Variants in CC2D2A observed in about 807,000 individuals in gnomAD.
CC2D2A encodes the protein coiled-coil and C2 domain-containing protein 2A.
In CC2D2A, 155 loss-of-function variants were observed where a neutral mutation model predicts 212.9. That is an observed-to-expected ratio of 0.73 (90% CI 0.64 to 0.83). The LOEUF is 0.83. CC2D2A is among the 40% of genes least tolerant of loss of function. The pLI, the probability that CC2D2A is intolerant of heterozygous loss-of-function variation, is 0.00. For synonymous variants in CC2D2A, 667 were observed against 686.5 expected (o/e 0.97, Z 0.44); for missense variants, 1,856 against 1,956.2 (o/e 0.95, Z 0.97).
chr4:15,545,473 A>T (rs373084202), intron 17 of CC2D2A, among the ~76,000 whole-genome samples: 3 of 152,224 alleles, frequency 2.0e-5, no homozygotes, highest in African/African-American at 7.2e-5. Flanking sequence ...TCCAGCTAGG[A>T]TATAAGGGAG....
chr4:15,494,313 C>T (rs549868585), intron 4 of CC2D2A, among the ~76,000 whole-genome samples: 23 of 152,264 alleles, frequency 1.5e-4, no homozygotes, highest in African/African-American at 4.6e-4. Context: ...GAGAAAGAGA[C>T]GCATGTGCCA....
intron 4 of CC2D2A, among the ~76,000 whole-genome samples, chr4:15,498,590 C>A (rs767641978): frequency 1.3e-5 from 2 of 151,984 alleles, no homozygotes; most frequent in Non-Finnish European, 2.9e-5. Context: ...GAGCAACTGA[C>A]AATAAATTAG....
intron 29 of CC2D2A, 150 bp downstream of exon 29, chr4:15,574,476 G>A (rs1720309221): frequency 6.5e-6 from 4 of 616,962 alleles, no homozygotes; most frequent in South Asian, 3.3e-5. Context: ...AGATAGAATG[G>A]TGGTGAGAAA....
At chr4:15,502,117 T>C (rs886225854) in intron 4 of CC2D2A, among the ~76,000 whole-genome samples, 4 of 152,186 alleles carry the variant, frequency 2.6e-5, no homozygotes, top group Admixed American at 6.5e-5. Context: ...TTCATGTGCC[T>C]TGAACAATCA....
intron 23 of CC2D2A, among the ~76,000 whole-genome samples, chr4:15,562,288 A>G (rs540443469): frequency 6.6e-6 from 1 of 152,364 alleles, no homozygotes; most frequent in Non-Finnish European, 1.5e-5. Flanking sequence ...TGTGCATTAT[A>G]GCCTGTGGCC....
chr4:15,483,002 G>A (rs982602747), intron 4 of CC2D2A, among the ~76,000 whole-genome samples: 4 of 152,194 alleles, frequency 2.6e-5, no homozygotes, highest in African/African-American at 9.7e-5. Context: ...GAAGCCCTGG[G>A]TGGAGCTGGA....
At chr4:15,557,263 C>A in intron 20 of CC2D2A, 41 bp from the exon 21 acceptor site, 1 of 1,442,250 alleles carries the variant, frequency 6.9e-7, no homozygotes, top group Non-Finnish European at 9.6e-7. Flanking sequence ...TGGATGAGAT[C>A]TGACTGTCAT....
At chr4:15,589,710 T>C in intron 33 of CC2D2A, 31 bp downstream of exon 33, 2 of 1,409,164 alleles carry the variant, frequency 1.4e-6, no homozygotes, top group Non-Finnish European at 1.9e-6. Context: ...TTAAATATGG[T>C]TAGCTGTCGT....
At chr4:15,567,636 G>T in intron 25 of CC2D2A, 41 bp from the exon 26 acceptor site, 1 of 1,450,050 alleles carries the variant, frequency 6.9e-7, no homozygotes, top group Non-Finnish European at 9.4e-7. Flanking sequence ...AAAATAATTT[G>T]ACTAACCATT....
chr4:15,533,297 GA>G lies in CC2D2A; in HGVS notation c.1572del (p.Arg524SerfsTer7), dbSNP rs1320027321. Reference sequence around the variant, plus strand: ...ATGAAATCCCTTCGAGAGTTCCAGAGATTTACAAATACTCCCTTGAAACTTG... The same window carrying G: ...ATGAAATCCCTTCGAGAGTTCCAGAGTTTACAAATACTCCCTTGAAACTTG... ...KEMKSLREFQ[R>X]FTNTPLKLVL... On this transcript the variant is annotated frameshift_variant, in exon 14 of 37. Transcript: ENST00000424120. LOFTEE classifies it high-confidence loss of function. 2 of 1,589,382 alleles carry G rather than the reference GA, an allele frequency of 1.3e-6. No homozygotes were observed. The highest frequency in any genetic ancestry group is 1.7e-6 in the Non-Finnish European group (2 of 1,168,630).
intron 34 of CC2D2A, 79 bp downstream of exon 34, chr4:15,596,286 C>T (rs1384571556): frequency 7.6e-7 from 1 of 1,316,358 alleles, no homozygotes; most frequent in Non-Finnish European, 1.0e-6. Flanking sequence ...ATATTTTTTA[C>T]CCCTGGGTAG....
At chr4:15,566,417 T>C (rs1719883142) in intron 24 of CC2D2A, among the ~76,000 whole-genome samples, 1 of 152,138 alleles carries the variant, frequency 6.6e-6, no homozygotes, top group Non-Finnish European at 1.5e-5. Flanking sequence ...CAGGATCTCC[T>C]ATCTGTGAGG....
chr4:15,599,010 A>T (rs1212997474), intron 35 of CC2D2A, among the ~76,000 whole-genome samples: 1 of 151,922 alleles, frequency 6.6e-6, no homozygotes, highest in Admixed American at 6.6e-5. Flanking sequence ...AAAGAAAAAA[A>T]AATTAGCCAG....
chr4:15,489,104 A>C (rs956967412), intron 4 of CC2D2A, among the ~76,000 whole-genome samples: 1 of 152,202 alleles, frequency 6.6e-6, no homozygotes, highest in African/African-American at 2.4e-5. Flanking sequence ...CCATTCATTC[A>C]TGTTAGTTTC....
chr4:15,557,737 G>A (rs919125775), intron 21 of CC2D2A, among the ~76,000 whole-genome samples: 1 of 152,160 alleles, frequency 6.6e-6, no homozygotes, highest in Non-Finnish European at 1.5e-5. Context: ...CCAGGATTCT[G>A]AGTCAACTGA....
chr4:15,590,344 G>A (rs574043703), intron 33 of CC2D2A, among the ~76,000 whole-genome samples: 16 of 152,234 alleles, frequency 1.1e-4, no homozygotes, highest in Non-Finnish European at 1.8e-4. Flanking sequence ...GCGAAACCCC[G>A]TCTCTACTGA....
chr4:15,600,593 T>C (rs67089836), intron 36 of CC2D2A, among the ~76,000 whole-genome samples: 18,321 of 152,166 alleles, frequency 0.12, 1,241 homozygotes, highest in Non-Finnish European at 0.15. Flanking sequence ...CGTGGATCAA[T>C]CATTGTAGCC....
At chr4:15,480,680 G>A in intron 3 of CC2D2A, 24 bp from the exon 4 acceptor site, 1 of 1,601,778 alleles carries the variant, frequency 6.2e-7, no homozygotes, top group Non-Finnish European at 8.5e-7. Flanking sequence ...GGGAGTCTCT[G>A]AACCTCTGAC....
In CC2D2A at chr4:15,599,643, T is replaced by C. The variant is rs1317411965; in HGVS notation, c.4611T>C (p.Ser1537=). ...LRHFLPLLEK[S]QGEDVEDDHR... Reference sequence around the variant, plus strand: ...ACTTCTTGCCTCTGTTAGAAAAAAGTCAAGGAGAAGATGTAGAAGATGACC... The same window carrying C: ...ACTTCTTGCCTCTGTTAGAAAAAAGCCAAGGAGAAGATGTAGAAGATGACC... Residue 1537 remains serine, a synonymous_variant, in exon 36 of 37, where the codon AGT becomes AGC. Coordinates refer to ENST00000424120, the MANE Select transcript of CC2D2A (RefSeq NM_001378615.1). The C allele has an allele frequency of 6.2e-7, 1 of 1,613,538 alleles. No individual in the cohort carries two copies. The highest frequency in any genetic ancestry group is 1.1e-5 in the South Asian group (1 of 91,066).
Sources: allele counts gnomAD v4.1 joint callset (sites outside exome capture counted in the v4.1 genomes callset), GRCh38; gene constraint gnomAD v4.1.1; transcripts MANE v1.5; gene names NCBI Gene and HGNC (gene_info 2026-07-23, HGNC 2026-07-21).